CALN1: variants seen among roughly 807,000 people sequenced by gnomAD.
CALN1 encodes the protein calcium-binding protein 8.
A neutral mutation model predicts 30.6 loss-of-function variants in CALN1; 17 were observed. The ratio of observed to expected loss-of-function variants is 0.56; its 90% CI spans 0.38 to 0.83. The LOEUF (loss-of-function observed/expected upper bound fraction) is 0.83, where lower values mean the gene tolerates loss of function less well. CALN1 is among the 40% of genes least tolerant of loss of function. The pLI is 0.00. For synonymous variants in CALN1, 156 were observed against 131.4 expected (o/e 1.19, Z -1.28); for missense variants, 291 against 354.9 (o/e 0.82, Z 1.45).
At chr7:72,062,310 A>C (rs1803707754) in intron 4 of CALN1, among the ~76,000 whole-genome samples, 1 of 152,166 alleles carries the variant, frequency 6.6e-6, no homozygotes, top group Non-Finnish European at 1.5e-5. Context: ...TAGGAGTTTG[A>C]GACCAGTCTG....
upstream of CALN1, among the ~76,000 whole-genome samples, chr7:72,414,169 G>C (rs912317090): frequency 3.9e-5 from 6 of 152,114 alleles, no homozygotes; most frequent in Non-Finnish European, 5.9e-5. Flanking sequence ...GGATCCTAGA[G>C]TTTGGCGGGA....
intron 5 of CALN1, among the ~76,000 whole-genome samples, chr7:72,010,684 G>A (rs571471471): frequency 3.3e-5 from 5 of 151,814 alleles, no homozygotes; most frequent in South Asian, 4.2e-4. Flanking sequence ...GTGGTGGCGC[G>A]TGTCTGTAAT....
At chr7:72,491,484 G>A in the CALN1 span, among the ~76,000 whole-genome samples, 3 of 152,058 alleles carry the variant, frequency 2.0e-5, no homozygotes, top group Admixed American at 6.6e-5. Context: ...CAGGAGAATC[G>A]CTTGAGCCCA....
intron 2 of CALN1, among the ~76,000 whole-genome samples, chr7:72,304,698 T>G (rs374316771): frequency 6.6e-6 from 1 of 152,170 alleles, no homozygotes; most frequent in African/African-American, 2.4e-5. Flanking sequence ...TAAAATCCTA[T>G]GTAGGGCATA....
At chr7:72,317,095 G>A (rs1017826297) in intron 2 of CALN1, among the ~76,000 whole-genome samples, 15 of 32,874 alleles carry the variant, frequency 4.6e-4, no homozygotes, top group African/African-American at 2.2e-3. Flanking sequence ...AGAGAGAGAG[G>A]GAGGGAGGAA....
chr7:72,311,651 A>ATTTTTTTTTTTTTTTTTTTTTTTT (rs56197069), intron 2 of CALN1, among the ~76,000 whole-genome samples: 4 of 48,468 alleles, frequency 8.3e-5, no homozygotes, highest in African/African-American at 2.4e-4. Flanking sequence ...CCTGGCTGAG[A>ATTTTTTTTTTTTTTTTTTTTTTTT]TTTTTTTTTT....
intron 2 of CALN1, among the ~76,000 whole-genome samples, chr7:72,324,558 T>TG (rs1343477423): frequency 9.5e-5 from 6 of 62,862 alleles, no homozygotes; most frequent in Non-Finnish European, 1.6e-4. Context: ...TTAAATGATG[T>TG]AATTTATTTA....
At chr7:72,058,363 GC>G (rs1803417744) in intron 4 of CALN1, among the ~76,000 whole-genome samples, 1 of 128,720 alleles carries the variant, frequency 7.8e-6, no homozygotes, top group South Asian at 2.5e-4. Flanking sequence ...TGTTGCCCAG[GC>G]TGGAGTGCAG....
chr7:72,146,226 T>A (rs1050598333), intron 3 of CALN1, among the ~76,000 whole-genome samples: 4 of 152,146 alleles, frequency 2.6e-5, no homozygotes, highest in Non-Finnish European at 5.9e-5. Flanking sequence ...GAAAACCCCA[T>A]TGTCTCAGCC....
In CALN1 at chr7:71,787,803, T is replaced by G; in HGVS notation, c.758A>C (p.Asn253Thr). The stretch of plus-strand genomic sequence containing the variant: ...CTCCATGCCGCTCCGGAGTATCTGG[T>G]TGGCTGCAATCAGCATGACACTGAT... ...FIISVMLIAA[N>T]QILRSGME Residue 253 changes from asparagine (N) to threonine (T), a missense_variant, in exon 7 of 7, where the codon AAC becomes ACC. Around this residue, in one of 2 missense-constraint regions of CALN1, gnomAD observed 169 missense variants for 251.7 expected, o/e 0.67. Transcript: ENST00000395275. 6.2e-7 allele frequency: 1 copy of G among 1,614,106 alleles called. No individual in the cohort carries two copies. Among genetic ancestry groups the G allele is most frequent in the Non-Finnish European group, 8.5e-7 (1 of 1,180,044 alleles).
At chr7:72,390,954 C>G (rs1338060199) in intron 2 of CALN1, among the ~76,000 whole-genome samples, 1 of 152,148 alleles carries the variant, frequency 6.6e-6, no homozygotes, top group Non-Finnish European at 1.5e-5. Context: ...GATCCATGCA[C>G]CAAAAGTACC....
At chr7:72,201,068 T>C (rs1362959551) in intron 3 of CALN1, among the ~76,000 whole-genome samples, 1 of 152,194 alleles carries the variant, frequency 6.6e-6, no homozygotes, top group Admixed American at 6.5e-5. Context: ...ATGTAGTATA[T>C]ACACACCATG....
intron 3 of CALN1, among the ~76,000 whole-genome samples, chr7:72,224,745 C>T (rs1398873253): frequency 2.0e-5 from 3 of 151,174 alleles, no homozygotes; most frequent in African/African-American, 7.3e-5. Context: ...TGCGCCACTG[C>T]ACTCCAGCCT....
chr7:72,017,401 G>GTT (rs1800457319), intron 5 of CALN1, among the ~76,000 whole-genome samples: 1 of 152,154 alleles, frequency 6.6e-6, no homozygotes, highest in Admixed American at 6.5e-5. Context: ...GAGAGGCAAA[G>GTT]CAAGTCAGCG....
At chr7:71,992,986 C>G (rs1799035038) in intron 5 of CALN1, among the ~76,000 whole-genome samples, 1 of 151,996 alleles carries the variant, frequency 6.6e-6, no homozygotes, top group South Asian at 2.1e-4. Context: ...AGAAAGAGTT[C>G]CCTTCGCTCA....
upstream of CALN1, among the ~76,000 whole-genome samples, chr7:72,413,410 A>G (rs944559492): frequency 1.3e-5 from 2 of 151,936 alleles, no homozygotes; most frequent in African/African-American, 4.8e-5. Flanking sequence ...ACACATGCAC[A>G]TTCTTACACA....
intron 3 of CALN1, among the ~76,000 whole-genome samples, chr7:72,134,180 G>A (rs895781420): frequency 1.3e-5 from 2 of 152,182 alleles, no homozygotes; most frequent in African/African-American, 4.8e-5. Flanking sequence ...TGCAGCAACA[G>A]GGCGCCATCT....
chr7:72,024,695 G>A (rs763245362), intron 4 of CALN1, among the ~76,000 whole-genome samples: 5 of 152,006 alleles, frequency 3.3e-5, no homozygotes, highest in Admixed American at 6.6e-5. Flanking sequence ...CACCATGCCC[G>A]GCCTGAACAG....
chr7:72,475,582 C>T, the CALN1 span, among the ~76,000 whole-genome samples: 4 of 152,202 alleles, frequency 2.6e-5, no homozygotes, highest in Non-Finnish European at 5.9e-5. Flanking sequence ...GTTCCTCTAC[C>T]CTAGAGAGAT....
Sources: allele counts gnomAD v4.1 joint callset (sites outside exome capture counted in the v4.1 genomes callset), GRCh38; gene constraint gnomAD v4.1.1; regional missense constraint gnomAD v4.1.1; transcripts MANE v1.5; gene names NCBI Gene and HGNC (gene_info 2026-07-23, HGNC 2026-07-21).